The following ZBTB7C variants were observed in gnomAD, a reference collection of about 807,000 sequenced individuals.
The protein encoded by ZBTB7C is zinc finger and BTB domain containing 7C, also known as zinc finger and BTB domain-containing protein 7C.
Under a neutral mutation model 25.7 loss-of-function variants are expected in ZBTB7C, and 8 were observed. The ratio of observed to expected loss-of-function variants is 0.31; its 90% CI spans 0.18 to 0.56. The LOEUF is 0.56. Among genes scored for constraint, ZBTB7C ranks in the 20% least tolerant of loss-of-function variants. The probability of loss-of-function intolerance (pLI) is 0.91; values close to 1 mark genes in which losing one functional copy is unlikely to be tolerated. For synonymous variants in ZBTB7C, 394 were observed against 369.0 expected, an observed-to-expected ratio of 1.07 and a Z score of -0.78; for missense variants, 824 against 855.2, an observed-to-expected ratio of 0.96 and a Z score of 0.46.
chr18:48,392,834 G>A (rs550583523), intron 1 of ZBTB7C, among the ~76,000 whole-genome samples: 7 of 152,260 alleles, frequency 4.6e-5, no homozygotes, highest in African/African-American at 1.7e-4. Flanking sequence ...TTCCTCCAAT[G>A]CCCACGCTAG....
chr18:48,102,561 C>A (rs1334341756), intron 3 of ZBTB7C, among the ~76,000 whole-genome samples: 4 of 114,382 alleles, frequency 3.5e-5, no homozygotes, highest in Non-Finnish European at 7.2e-5. Context: ...TGAGATCCTC[C>A]CTCAAAAAAA....
At chr18:48,061,485 T>C (rs993657767) in intron 3 of ZBTB7C, among the ~76,000 whole-genome samples, 1 of 152,192 alleles carries the variant, frequency 6.6e-6, no homozygotes, top group South Asian at 2.1e-4. Context: ...CCTCAGGCAG[T>C]TGAGGACAGA....
At chr18:48,167,971 G>A (rs1180974608) in intron 3 of ZBTB7C, among the ~76,000 whole-genome samples, 2 of 152,228 alleles carry the variant, frequency 1.3e-5, no homozygotes, top group Admixed American at 1.3e-4. Context: ...CTTTCAGAGT[G>A]TGGGGAAGAG....
intron 1 of ZBTB7C, among the ~76,000 whole-genome samples, chr18:48,351,243 C>T (rs2046856016): frequency 1.3e-5 from 2 of 152,230 alleles, no homozygotes; most frequent in African/African-American, 2.4e-5. Flanking sequence ...CCCTGCTGCC[C>T]CCGTGTTTAT....
At chr18:48,394,314 G>A (rs2047970438) in intron 1 of ZBTB7C, among the ~76,000 whole-genome samples, 1 of 152,188 alleles carries the variant, frequency 6.6e-6, no homozygotes, top group Admixed American at 6.5e-5. Context: ...AGAGGGGGCG[G>A]TGTCAGTAGC....
chr18:48,116,288 T>A (rs767037698), intron 3 of ZBTB7C, among the ~76,000 whole-genome samples: 2 of 152,074 alleles, frequency 1.3e-5, no homozygotes, highest in Non-Finnish European at 1.5e-5. Context: ...GGGGTGGCAA[T>A]GAAATGTAAC....
chr18:48,410,143 G>A (rs914597455), upstream of ZBTB7C, among the ~76,000 whole-genome samples: 2 of 152,238 alleles, frequency 1.3e-5, no homozygotes, highest in Admixed American at 1.3e-4. Flanking sequence ...AGGAGTGGGG[G>A]CGAGAAGTTA....
chr18:48,388,967 T>A (rs529579784), intron 1 of ZBTB7C, among the ~76,000 whole-genome samples: 2 of 152,274 alleles, frequency 1.3e-5, no homozygotes, highest in African/African-American at 4.8e-5. Context: ...TTGTTCTGTA[T>A]CGTCTTGTTT....
chr18:48,098,701 C>T (rs552196151), intron 3 of ZBTB7C, among the ~76,000 whole-genome samples: 1 of 152,258 alleles, frequency 6.6e-6, no homozygotes, highest in African/African-American at 2.4e-5. Flanking sequence ...ATAAACCAAC[C>T]AATGAGTTCC....
At chr18:48,316,247 G>A (rs1372163986) in intron 2 of ZBTB7C, among the ~76,000 whole-genome samples, 2 of 152,204 alleles carry the variant, frequency 1.3e-5, no homozygotes, top group African/African-American at 2.4e-5. Context: ...TTGTTTTAAA[G>A]GACTTTGAAA....
At chr18:48,253,463 G>A (rs995418424) in intron 2 of ZBTB7C, among the ~76,000 whole-genome samples, 8 of 152,140 alleles carry the variant, frequency 5.3e-5, no homozygotes, top group Non-Finnish European at 7.3e-5. Context: ...TGAGAGATGA[G>A]AAAAACTAAT....
intron 2 of ZBTB7C, among the ~76,000 whole-genome samples, chr18:48,279,096 T>A (rs1032064332): frequency 8.5e-5 from 13 of 152,050 alleles, no homozygotes; most frequent in African/African-American, 2.4e-4. Flanking sequence ...AAGGAAAAAG[T>A]CCATGGAACC....
intron 4 of ZBTB7C, among the ~76,000 whole-genome samples, chr18:48,036,487 G>A (rs1358407147): frequency 6.6e-6 from 1 of 152,222 alleles, no homozygotes; most frequent in Non-Finnish European, 1.5e-5. Context: ...GGGGCGGGGA[G>A]GGTGTCACAA....
chr18:48,041,968 A>G (rs1309073606), intron 3 of ZBTB7C, among the ~76,000 whole-genome samples: 1 of 152,206 alleles, frequency 6.6e-6, no homozygotes, highest in African/African-American at 2.4e-5. Context: ...ACACCTTATC[A>G]TTGTATATGT....
At chr18:48,032,314 A>G (rs2035788149) in intron 4 of ZBTB7C, among the ~76,000 whole-genome samples, 7 of 145,206 alleles carry the variant, frequency 4.8e-5, no homozygotes, top group Admixed American at 4.1e-4. Flanking sequence ...ACGGGCCTTC[A>G]CCATGTTGGT....
intron 4 of ZBTB7C, among the ~76,000 whole-genome samples, chr18:48,036,390 C>A (rs1409011181): frequency 6.6e-6 from 1 of 152,106 alleles, no homozygotes; most frequent in Non-Finnish European, 1.5e-5. Context: ...ATTCTGGGAG[C>A]TGGCATCTGG....
intron 3 of ZBTB7C, among the ~76,000 whole-genome samples, chr18:48,103,858 C>T (rs942054511): frequency 1.3e-5 from 2 of 152,142 alleles, no homozygotes; most frequent in Non-Finnish European, 1.5e-5. Context: ...TTATATGATT[C>T]AACTTTTATG....
At chr18:48,255,102 A>C (rs761510678) in intron 2 of ZBTB7C, among the ~76,000 whole-genome samples, 60 of 152,226 alleles carry the variant, frequency 3.9e-4, no homozygotes, top group Non-Finnish European at 6.3e-4. Context: ...AATAAAGCTC[A>C]AGAAAATTTA....
At chr18:48,398,675 C>T (rs749733356) in intron 1 of ZBTB7C, among the ~76,000 whole-genome samples, 10 of 152,282 alleles carry the variant, frequency 6.6e-5, no homozygotes, top group Non-Finnish European at 1.3e-4. Flanking sequence ...GACCCCACCG[C>T]TTCCCCACCC....
Sources: gnomAD v4.1 joint callset for allele counts (sites outside exome capture counted in the v4.1 genomes callset) on GRCh38, gnomAD v4.1.1 for gene constraint, MANE v1.5 for transcripts, NCBI Gene and HGNC (gene_info 2026-07-23, HGNC 2026-07-21) for gene names.